ALPK2: variants seen among roughly 807,000 people sequenced by gnomAD.
ALPK2 encodes alpha-protein kinase 2.
In ALPK2, 127 loss-of-function variants were observed where a neutral mutation model predicts 163.1. The ratio of observed to expected loss-of-function variants is 0.78; its 90% CI spans 0.67 to 0.90. ALPK2 has a LOEUF of 0.90. Ranked by LOEUF, ALPK2 falls within the 40% of genes least tolerant of loss-of-function variation. ALPK2 has a pLI of 0.00. For missense variants in ALPK2, 2,360 were observed against 2,589.6 expected, an observed-to-expected ratio of 0.91 and a Z score of 1.92; for synonymous variants, 953 against 959.1, an observed-to-expected ratio of 0.99 and a Z score of 0.12.
At chr18:58,614,994 T>C (rs74676554) in intron 1 of ALPK2, among the ~76,000 whole-genome samples, 6 of 151,678 alleles carry the variant, frequency 4.0e-5, no homozygotes, top group Admixed American at 3.9e-4. Flanking sequence ...TTTTTTTTTT[T>C]TGTAGGGACA....
intron 10 of ALPK2, among the ~76,000 whole-genome samples, chr18:58,509,504 T>C (rs1342762710): frequency 6.6e-6 from 1 of 152,136 alleles, no homozygotes; most frequent in Non-Finnish European, 1.5e-5. Flanking sequence ...CCACCAACAG[T>C]GTAAAAGTGT....
chr18:58,532,336 G>T (rs993725482), intron 5 of ALPK2, among the ~76,000 whole-genome samples: 1 of 152,186 alleles, frequency 6.6e-6, no homozygotes, highest in African/African-American at 2.4e-5. Context: ...CCACACGAGA[G>T]GGGAGAGGTT....
intron 5 of ALPK2, among the ~76,000 whole-genome samples, chr18:58,530,800 A>C (rs1202924753): frequency 6.6e-6 from 1 of 152,198 alleles, no homozygotes; most frequent in African/African-American, 2.4e-5. Context: ...CCTGGAGTGC[A>C]GCTAGTTTTT....
intron 10 of ALPK2, 121 bp from the exon 11 acceptor site, chr18:58,504,269 T>G (rs1834659363): frequency 1.3e-6 from 1 of 764,768 alleles, no homozygotes; most frequent in South Asian, 1.9e-5. Context: ...TTCTGCTAGG[T>G]TTAGACTACA....
intron 1 of ALPK2, among the ~76,000 whole-genome samples, chr18:58,615,948 C>G (rs1396724179): frequency 6.6e-6 from 1 of 152,244 alleles, no homozygotes; most frequent in African/African-American, 2.4e-5. Context: ...CCACAGAGCA[C>G]TGACTGTACT....
At chr18:58,524,854 T>C (rs953259534) in intron 6 of ALPK2, among the ~76,000 whole-genome samples, 2 of 149,648 alleles carry the variant, frequency 1.3e-5, no homozygotes, top group Admixed American at 1.4e-4. Flanking sequence ...CCTCCCCAAG[T>C]AAATTATGGT....
intron 12 of ALPK2, among the ~76,000 whole-genome samples, chr18:58,492,312 C>T (rs186623976): frequency 5.9e-5 from 9 of 152,258 alleles, no homozygotes; most frequent in Admixed American, 3.3e-4. Flanking sequence ...ACACATTCCC[C>T]ACACCTCCTT....
At position 58,579,416 on chromosome 18, in the gene ALPK2, C is replaced by A; in HGVS notation, c.1360G>T (p.Ala454Ser). 6.2e-7 allele frequency: 1 copy of A among 1,614,156 alleles called. No individual in the cohort carries two copies. The highest frequency in any genetic ancestry group is 1.3e-5 in the African/African-American group (1 of 75,042). The change falls in exon 4 of 13, where the codon GCT becomes TCT. Residue 454 changes from alanine to serine, a missense_variant. Physicochemically the swap from Ala to Ser is moderately conservative, Grantham distance 99. Transcript: ENST00000361673. Reference sequence around the variant, plus strand: ...TAATCATTTTCAGCAGCCTCGGGAGCAGTGGGGAGTTTATATCTCCCCTGT... The same window carrying A: ...TAATCATTTTCAGCAGCCTCGGGAGAAGTGGGGAGTTTATATCTCCCCTGT... ...TEQGRYKLPTAPEAAENDYPG... is the reference protein window; with the variant it reads ...TEQGRYKLPTSPEAAENDYPG...
intron 11 of ALPK2, among the ~76,000 whole-genome samples, chr18:58,502,501 G>T (rs1185014910): frequency 6.6e-6 from 1 of 152,196 alleles, no homozygotes; most frequent in Non-Finnish European, 1.5e-5. Context: ...TTTGCCCACA[G>T]GCTACCAGGC....
chr18:58,501,554 T>C (rs1333811299), intron 11 of ALPK2, among the ~76,000 whole-genome samples: 1 of 152,218 alleles, frequency 6.6e-6, no homozygotes, highest in East Asian at 1.9e-4. Flanking sequence ...CAGAGCCCTC[T>C]AACATCAGGA....
chr18:58,568,513 A>C (rs898090027), intron 4 of ALPK2, among the ~76,000 whole-genome samples: 6 of 152,142 alleles, frequency 3.9e-5, no homozygotes, highest in Admixed American at 3.9e-4. Flanking sequence ...AGCTTCCATA[A>C]GGCACGCACG....
intron 4 of ALPK2, among the ~76,000 whole-genome samples, chr18:58,550,330 C>CCATCTG (rs2051745027): frequency 4.6e-5 from 7 of 150,848 alleles, no homozygotes; most frequent in South Asian, 2.1e-4. Flanking sequence ...AACCCTATCC[C>CCATCTG]TGCCTTCATC....
At position 58,611,751 on chromosome 18, in the gene ALPK2, G is replaced by T. The variant is rs2052132770; in HGVS notation, c.47C>A (p.Ser16Tyr). 1 of 1,612,252 alleles carries T rather than the reference G, an allele frequency of 6.2e-7. No homozygotes were observed. The highest frequency in any genetic ancestry group is 2.2e-5 in the East Asian group (1 of 44,808). The change falls in exon 2 of 13, where the codon TCT becomes TAT. Residue 16 changes from serine (S) to tyrosine (Y), a missense_variant. Coordinates refer to ENST00000361673, the MANE Select transcript of ALPK2 (RefSeq NM_052947.4). The stretch of plus-strand genomic sequence containing the variant: ...AGGAACCTTCTGGGAAAGCAATGTA[G>T]ATAAAAAACACAGCGGGGGCCTCTG... ...GPQRPPLCFL[S>Y]TLLSQKVPEK...
At chr18:58,612,307 G>A (rs1244316142) in intron 1 of ALPK2, among the ~76,000 whole-genome samples, 3 of 152,254 alleles carry the variant, frequency 2.0e-5, no homozygotes, top group Middle Eastern at 3.4e-3. Context: ...AAAAAAGTGT[G>A]CATATGTCTT....
chr18:58,485,420 C>G (rs748452409), intron 12 of ALPK2, among the ~76,000 whole-genome samples: 1 of 152,130 alleles, frequency 6.6e-6, no homozygotes, highest in East Asian at 1.9e-4. Flanking sequence ...GAAGCTAAAG[C>G]GGCAGCCTGC....
At chr18:58,601,027 G>C (rs1187204543) in intron 3 of ALPK2, among the ~76,000 whole-genome samples, 1 of 152,180 alleles carries the variant, frequency 6.6e-6, no homozygotes, top group African/African-American at 2.4e-5. Context: ...AGGCCGAGGT[G>C]GGCAGATCAC....
chr18:58,481,370 A>AGTATTGCAAAATGCTGGGACTGAAATCC lies in ALPK2; in HGVS notation c.*452_*453insGGATTTCAGTCCCAGCATTTTGCAATAC. ...TAGCGTATTAGACACCAGTGGAACAACTTGATCCAGTGAGCGAATTCGTGA... is the reference window on the plus strand; with the variant it reads ...TAGCGTATTAGACACCAGTGGAACAAGTATTGCAAAATGCTGGGACTGAAATCCCTTGATCCAGTGAGCGAATTCGTGA... On this transcript the variant is annotated 3_prime_UTR_variant, in exon 13 of 13. Transcript: ENST00000361673. 5.8e-6 allele frequency: 1 copy of AGTATTGCAAAATGCTGGGACTGAAATCC among 171,914 alleles called. No individual in the cohort carries two copies. The allele number at this position is 171,914 out of a possible 1,614,324, so 10.6% of individuals were successfully genotyped here. A position where few individuals can be genotyped will look rare whatever the true frequency, so the allele number is the denominator to read the frequency against.
intron 3 of ALPK2, among the ~76,000 whole-genome samples, chr18:58,604,575 A>G (rs537704799): frequency 6.6e-6 from 1 of 152,352 alleles, no homozygotes; most frequent in East Asian, 1.9e-4. Flanking sequence ...ATAAAAAGTC[A>G]GAACTTCCCA....
Position 58,622,022 on chromosome 18 carries a change from T to TG in ALPK2, c.-21+6741_-21+6742insC, listed in dbSNP as rs1555678610. On this transcript the variant is annotated intron_variant, in intron 1 of 12. Transcript: ENST00000361673. Reference sequence around the variant, plus strand: ...AGTTTCCAATCTTTATGAGAGGGCTTAAAAAAAAAAAAAAAGCTCAAGGTT... The same window carrying TG: ...AGTTTCCAATCTTTATGAGAGGGCTTGAAAAAAAAAAAAAAAGCTCAAGGTT... Among the ~76,000 whole-genome samples, 214 of 134,094 alleles carry TG rather than the reference T, an allele frequency of 1.6e-3. 4 individuals are homozygous for TG. Among genetic ancestry groups the TG allele is most frequent in the African/African-American group, 5.5e-3 (205 of 36,958 alleles). 88.0% of individuals were successfully genotyped at this position (134,094 alleles called of 152,430 possible).
Sources: allele counts gnomAD v4.1 joint callset (sites outside exome capture counted in the v4.1 genomes callset), GRCh38; gene constraint gnomAD v4.1.1; transcripts MANE v1.5; gene names NCBI Gene and HGNC (gene_info 2026-07-23, HGNC 2026-07-21).